Variants in CEP112 observed in about 807,000 individuals in gnomAD.
The protein encoded by CEP112 is centrosomal protein of 112 kDa.
CEP112 carries 127 observed loss-of-function variants against 153.0 expected under a neutral mutation model. That is an observed-to-expected ratio of 0.83 (90% CI 0.72 to 0.96). CEP112 has a LOEUF of 0.96. Among genes scored for constraint, CEP112 ranks in the 40% least tolerant of loss-of-function variants. The pLI, the probability that CEP112 is intolerant of heterozygous loss-of-function variation, is 0.00. For synonymous variants in CEP112, 358 were observed against 374.4 expected, an observed-to-expected ratio of 0.96 and a Z score of 0.51; for missense variants, 1,089 against 1,101.2, an observed-to-expected ratio of 0.99 and a Z score of 0.16.
At chr17:66,140,993 T>C (rs2070671852) in intron 4 of CEP112, among the ~76,000 whole-genome samples, 1 of 152,110 alleles carries the variant, frequency 6.6e-6, no homozygotes. Flanking sequence ...TTGATGAGCA[T>C]TGTGAGTACT....
At chr17:65,843,166 C>T (rs1250358197) in intron 21 of CEP112, among the ~76,000 whole-genome samples, 1 of 152,088 alleles carries the variant, frequency 6.6e-6, no homozygotes, top group African/African-American at 2.4e-5. Flanking sequence ...ACCAATTCAT[C>T]GCATTCAAAT....
intron 23 of CEP112, among the ~76,000 whole-genome samples, chr17:65,716,158 T>C (rs905655920): frequency 2.4e-5 from 1 of 42,428 alleles, no homozygotes; most frequent in African/African-American, 2.0e-4. Flanking sequence ...TCTTTCTTTG[T>C]TTTTTTTTTG....
intron 6 of CEP112, among the ~76,000 whole-genome samples, chr17:66,121,512 A>G (rs1169424461): frequency 6.6e-6 from 1 of 152,018 alleles, no homozygotes; most frequent in Non-Finnish European, 1.5e-5. Flanking sequence ...GGTATTCCAC[A>G]TTTCCGTGAG....
At chr17:65,785,484 G>C (rs562313457) in intron 21 of CEP112, among the ~76,000 whole-genome samples, 1 of 152,176 alleles carries the variant, frequency 6.6e-6, no homozygotes, top group Non-Finnish European at 1.5e-5. Flanking sequence ...ACTTTCGTCT[G>C]TCTTGTTGAT....
intron 4 of CEP112, among the ~76,000 whole-genome samples, chr17:66,140,975 G>A (rs2146608364): frequency 6.6e-6 from 1 of 152,028 alleles, no homozygotes; most frequent in African/African-American, 2.4e-5. Context: ...GCTCTTTTCA[G>A]TATAATCTTG....
intron 21 of CEP112, among the ~76,000 whole-genome samples, chr17:65,774,845 G>A (rs953955670): frequency 1.3e-5 from 2 of 152,112 alleles, no homozygotes; most frequent in Non-Finnish European, 2.9e-5. Context: ...TGACTTTATG[G>A]CCTGAGATCC....
chr17:66,099,323 G>A (rs2068467288), intron 6 of CEP112, among the ~76,000 whole-genome samples: 1 of 152,030 alleles, frequency 6.6e-6, no homozygotes, highest in Admixed American at 6.6e-5. Flanking sequence ...GGCCAACATG[G>A]TGAAACCCCG....
intron 18 of CEP112, among the ~76,000 whole-genome samples, chr17:65,932,837 A>G (rs1184069817): frequency 6.6e-6 from 1 of 152,060 alleles, no homozygotes; most frequent in African/African-American, 2.4e-5. Context: ...CCAGGCCCAG[A>G]CTCCAAAACT....
chr17:65,705,801 AT>A (rs1391084759), intron 23 of CEP112, among the ~76,000 whole-genome samples: 7 of 152,236 alleles, frequency 4.6e-5, no homozygotes, highest in Non-Finnish European at 8.8e-5. Context: ...CAACTGTAAA[AT>A]GGCATTTTAA....
At chr17:66,069,800 A>C (rs2146078981) in intron 9 of CEP112, 115 bp downstream of exon 9, 1 of 606,180 alleles carries the variant, frequency 1.6e-6, no homozygotes, top group African/African-American at 1.9e-5. Flanking sequence ...GTCATAAAGT[A>C]CATAAATAAG....
chr17:66,143,754 G>A (rs1195903037), intron 4 of CEP112, among the ~76,000 whole-genome samples: 4 of 152,162 alleles, frequency 2.6e-5, no homozygotes, highest in Admixed American at 6.5e-5. Flanking sequence ...ATTATTTCTT[G>A]TGGTAACAGA....
At chr17:65,946,499 G>A (rs1042177208) in intron 18 of CEP112, among the ~76,000 whole-genome samples, 1 of 152,164 alleles carries the variant, frequency 6.6e-6, no homozygotes, top group African/African-American at 2.4e-5. Context: ...AGGTGTGGGT[G>A]TTTTTGGTCT....
chr17:66,046,452 A>C (rs1418145412), intron 12 of CEP112, among the ~76,000 whole-genome samples: 1 of 152,190 alleles, frequency 6.6e-6, no homozygotes, highest in East Asian at 1.9e-4. Flanking sequence ...CAAAATAGAA[A>C]ACATGATCGT....
At chr17:65,724,590 G>A (rs191112265) in intron 23 of CEP112, among the ~76,000 whole-genome samples, 17 of 152,160 alleles carry the variant, frequency 1.1e-4, no homozygotes, top group Admixed American at 1.1e-3. Flanking sequence ...ACTTATATAT[G>A]CATATATTCA....
At chr17:65,925,157 T>C (rs1402986042) in intron 19 of CEP112, among the ~76,000 whole-genome samples, 3 of 152,172 alleles carry the variant, frequency 2.0e-5, no homozygotes, top group Non-Finnish European at 2.9e-5. Context: ...ACTATACTCA[T>C]GGTAGTAAAT....
In CEP112 at chr17:66,027,530, T is replaced by C. The variant is rs1198961589; in HGVS notation, c.1627A>G (p.Ser543Gly). 8 of 1,317,766 alleles carry C rather than the reference T, an allele frequency of 6.1e-6. No individual in the cohort carries two copies. The East Asian group carries it at 2.4e-4, about 39-fold the overall frequency. The allele number at this position is 1,317,766 out of a possible 1,614,324, so 81.6% of individuals were successfully genotyped here. A position where few individuals can be genotyped will look rare whatever the true frequency, so the allele number is the denominator to read the frequency against. ...DQENKFQMEKSHLKHIYEKKA... is the reference protein window; with the variant it reads ...DQENKFQMEKGHLKHIYEKKA... ...TTTTCATAGATGTGTTTTAAATGAC[T>C]TTTCTCCATCTGAAACTTATTTTCT... Residue 543 changes from serine to glycine, a missense_variant, in exon 16 of 27, where the codon AGT becomes GGT. By Grantham distance (56) the Ser-to-Gly change is moderately conservative. Coordinates refer to ENST00000535342, the MANE Select transcript of CEP112 (RefSeq NM_001199165.4).
intron 8 of CEP112, among the ~76,000 whole-genome samples, chr17:66,078,262 T>TC (rs2067581883): frequency 1.8e-5 from 2 of 110,730 alleles, no homozygotes; most frequent in African/African-American, 3.6e-5. Context: ...CTTTTCTTTT[T>TC]CTTTTTTTTT....
chr17:65,838,300 G>A (rs190935197), intron 21 of CEP112, among the ~76,000 whole-genome samples: 7 of 152,070 alleles, frequency 4.6e-5, no homozygotes, highest in East Asian at 3.9e-4. Context: ...AAATCATATC[G>A]TCTTTTCTGA....
At chr17:65,752,860 T>C (rs894299056) in intron 21 of CEP112, among the ~76,000 whole-genome samples, 1 of 152,194 alleles carries the variant, frequency 6.6e-6, no homozygotes, top group Non-Finnish European at 1.5e-5. Context: ...ATGTGTATGG[T>C]TGTCTCTTAT....
Sources: allele counts gnomAD v4.1 joint callset (sites outside exome capture counted in the v4.1 genomes callset), GRCh38; gene constraint gnomAD v4.1.1; transcripts MANE v1.5; gene names NCBI Gene and HGNC (gene_info 2026-07-23, HGNC 2026-07-21).